SLC38A6: variants seen among roughly 807,000 people sequenced by gnomAD.
The protein encoded by SLC38A6 is N system amino acid transporter NAT-1.
In SLC38A6, 73 loss-of-function variants were observed where a neutral mutation model predicts 65.0. The ratio of observed to expected loss-of-function variants is 1.12; its 90% CI spans 0.93 to 1.37. The LOEUF (loss-of-function observed/expected upper bound fraction) is 1.37, where lower values mean the gene tolerates loss of function less well. SLC38A6 is among the 40% of genes most tolerant of loss of function. SLC38A6 has a pLI of 0.00. For synonymous variants in SLC38A6, 183 were observed against 178.8 expected, an observed-to-expected ratio of 1.02 and a Z score of -0.19; for missense variants, 561 against 531.1, an observed-to-expected ratio of 1.06 and a Z score of -0.55.
chr14:60,981,325 C>T lies in SLC38A6; in HGVS notation c.48C>T (p.Val16=). ...TCAACGCTGAGCGGGGCTGGTATGT[C>T]TCTGTCCAGCAGCCTGAAGAAGCGG... ...GSFNAERGWY[V]SVQQPEEAEA... Residue 16 remains valine, a synonymous_variant, in exon 1 of 16, where the codon GTC becomes GTT. Transcript: ENST00000267488. The T allele has an allele frequency of 6.2e-7, 1 of 1,610,968 alleles. No individual in the cohort carries two copies. The highest frequency in any genetic ancestry group is 8.5e-7 in the Non-Finnish European group (1 of 1,178,784).
chr14:61,031,487 A>G (rs1224882183), intron 6 of SLC38A6, among the ~76,000 whole-genome samples: 2 of 152,128 alleles, frequency 1.3e-5, no homozygotes, highest in Admixed American at 6.5e-5. Flanking sequence ...CTGAATAGAA[A>G]CCATCAAGAA....
intron 16 of SLC38A6, among the ~76,000 whole-genome samples, chr14:61,081,947 G>A (rs952998589): frequency 1.3e-5 from 2 of 152,098 alleles, no homozygotes; most frequent in African/African-American, 2.4e-5. Flanking sequence ...ACGTGGTATC[G>A]GTAACATGGG....
chr14:60,999,350 G>A (rs1595005066), intron 3 of SLC38A6, among the ~76,000 whole-genome samples: 1 of 152,204 alleles, frequency 6.6e-6, no homozygotes, highest in South Asian at 2.1e-4. Flanking sequence ...GTAATTTTGA[G>A]TAATGATAAT....
At chr14:61,070,773 A>G (rs889800319) in intron 15 of SLC38A6, among the ~76,000 whole-genome samples, 2 of 152,068 alleles carry the variant, frequency 1.3e-5, no homozygotes, top group Non-Finnish European at 2.9e-5. Context: ...GCAATATCTC[A>G]TTGTGGTTTT....
Position 61,051,880 on chromosome 14 carries a change from G to GT in SLC38A6, c.1148dup (p.Leu383PhefsTer8). 6.2e-7 allele frequency: 1 copy of GT among 1,611,544 alleles called. No homozygotes were observed. Among genetic ancestry groups the GT allele is most frequent in the East Asian group, 2.2e-5 (1 of 44,708 alleles). ...CACTCTAGCACTCAATATTATCATCGTTTTACTTGCAATATATGTTCCTGA... is the reference window on the plus strand; with the variant it reads ...CACTCTAGCACTCAATATTATCATCGTTTTTACTTGCAATATATGTTCCTGA... On this transcript the variant is annotated frameshift_variant, in exon 14 of 16. Transcript: ENST00000267488. LOFTEE classifies it high-confidence loss of function.
At chr14:60,997,879 A>G (rs1341087756) in intron 3 of SLC38A6, among the ~76,000 whole-genome samples, 1 of 152,184 alleles carries the variant, frequency 6.6e-6, no homozygotes, top group Non-Finnish European at 1.5e-5. Flanking sequence ...GTTGTTCAAA[A>G]TAAAAATGAG....
At chr14:60,991,883 A>C (rs2037914979) in intron 3 of SLC38A6, among the ~76,000 whole-genome samples, 1 of 152,188 alleles carries the variant, frequency 6.6e-6, no homozygotes, top group Non-Finnish European at 1.5e-5. Flanking sequence ...TAGAGAGCAG[A>C]AAGAGAGAAA....
chr14:61,038,624 CA>C (rs2041566980), intron 8 of SLC38A6, among the ~76,000 whole-genome samples: 1 of 152,126 alleles, frequency 6.6e-6, no homozygotes, highest in Admixed American at 6.5e-5. Flanking sequence ...TCAAAGCTGT[CA>C]AAACAACCTA....
intron 3 of SLC38A6, among the ~76,000 whole-genome samples, chr14:61,013,752 C>G (rs572874644): frequency 6.6e-6 from 1 of 152,312 alleles, no homozygotes; most frequent in Non-Finnish European, 1.5e-5. Flanking sequence ...GCCAAGAGAT[C>G]AGCTGTTAGT....
At chr14:61,001,491 T>A (rs1419622436) in intron 3 of SLC38A6, among the ~76,000 whole-genome samples, 1 of 152,222 alleles carries the variant, frequency 6.6e-6, no homozygotes, top group Admixed American at 6.5e-5. Context: ...TCCTTTTTAT[T>A]TTTATCAAAA....
chr14:60,995,060 A>C (rs1188168630), intron 3 of SLC38A6, among the ~76,000 whole-genome samples: 1 of 151,664 alleles, frequency 6.6e-6, no homozygotes, highest in Non-Finnish European at 1.5e-5. Flanking sequence ...ATGAAAAGTC[A>C]TGGAGGAATC....
chr14:61,029,934 TAGAG>T (rs941448551), intron 5 of SLC38A6, among the ~76,000 whole-genome samples: 6 of 152,208 alleles, frequency 3.9e-5, no homozygotes, highest in African/African-American at 1.2e-4. Flanking sequence ...GGGTGGGTAG[TAGAG>T]AGAGGAAAAG....
intron 3 of SLC38A6, among the ~76,000 whole-genome samples, chr14:61,000,372 A>G (rs2038621388): frequency 6.6e-6 from 1 of 152,230 alleles, no homozygotes; most frequent in Admixed American, 6.5e-5. Flanking sequence ...GCTCACGCCT[A>G]TAATCCCAGC....
chr14:61,009,044 C>A (rs932475787), intron 3 of SLC38A6, among the ~76,000 whole-genome samples: 2 of 152,122 alleles, frequency 1.3e-5, no homozygotes, highest in Non-Finnish European at 2.9e-5. Flanking sequence ...TAAGAGGACT[C>A]TATTCTTACA....
At chr14:61,047,159 A>G (rs2042201984) in intron 12 of SLC38A6, among the ~76,000 whole-genome samples, 1 of 152,088 alleles carries the variant, frequency 6.6e-6, no homozygotes, top group Admixed American at 6.5e-5. Context: ...CAATAAGAAA[A>G]AGTCCAAAAA....
intron 6 of SLC38A6, among the ~76,000 whole-genome samples, chr14:61,031,926 C>T (rs752463259): frequency 4.0e-5 from 6 of 151,820 alleles, no homozygotes; most frequent in Non-Finnish European, 8.8e-5. Context: ...ATATAAAGTA[C>T]TTGGAGCCTT....
At chr14:60,989,286 C>T (rs2037685778) in intron 3 of SLC38A6, among the ~76,000 whole-genome samples, 1 of 152,180 alleles carries the variant, frequency 6.6e-6, no homozygotes, top group South Asian at 2.1e-4. Context: ...CACTTTCTCC[C>T]TTCTTTCTTA....
intron 1 of SLC38A6, chr14:60,981,634 T>C (rs1281066395): frequency 6.9e-7 from 1 of 1,452,036 alleles, no homozygotes; most frequent in Admixed American, 2.1e-5. Context: ...CAGCGTTGAG[T>C]GGAAGCTGCG....
intron 5 of SLC38A6, among the ~76,000 whole-genome samples, chr14:61,026,418 A>C (rs968790960): frequency 6.6e-6 from 1 of 152,226 alleles, no homozygotes; most frequent in South Asian, 2.1e-4. Context: ...TAATCACATC[A>C]CCAAAGGAGC....
Sources: allele counts gnomAD v4.1 joint callset (sites outside exome capture counted in the v4.1 genomes callset), GRCh38; gene constraint gnomAD v4.1.1; transcripts MANE v1.5; gene names NCBI Gene and HGNC (gene_info 2026-07-23, HGNC 2026-07-21).